The following PLPPR1 variants were observed in gnomAD, a reference collection of about 807,000 sequenced individuals.
PLPPR1 encodes the protein phospholipid phosphatase related 1, also known as phospholipid phosphatase-related protein type 1.
In PLPPR1, 10 loss-of-function variants were observed where a neutral mutation model predicts 33.1. That is an observed-to-expected ratio of 0.30 (90% CI 0.19 to 0.51). PLPPR1 has a LOEUF of 0.51. Among genes scored for constraint, PLPPR1 ranks in the 20% least tolerant of loss-of-function variants. The pLI, the probability that PLPPR1 is intolerant of heterozygous loss-of-function variation, is 0.97. For missense variants in PLPPR1, 304 were observed against 408.1 expected (o/e 0.74, Z 2.20); for synonymous variants, 151 against 151.0 (o/e 1.00, Z 0.00).
At chr9:101,309,063 C>A in intron 4 of PLPPR1, 148 bp from the exon 5 acceptor site, 1 of 736,530 alleles carries the variant, frequency 1.4e-6, no homozygotes, top group Non-Finnish European at 2.3e-6. Flanking sequence ...ATTTGGGAAG[C>A]AGGTACCACT....
intron 2 of PLPPR1, among the ~76,000 whole-genome samples, chr9:101,215,136 T>C (rs10989436): frequency 0.067 from 10,251 of 152,236 alleles, 406 homozygotes; most frequent in South Asian, 0.15. Flanking sequence ...AGAAAAACTT[T>C]AGTCAAACTA....
At chr9:101,320,221 A>T (rs1327038314) in intron 7 of PLPPR1, among the ~76,000 whole-genome samples, 1 of 152,176 alleles carries the variant, frequency 6.6e-6, no homozygotes, top group Non-Finnish European at 1.5e-5. Context: ...CCTCATATGG[A>T]TACAATTTGA....
intron 2 of PLPPR1, among the ~76,000 whole-genome samples, chr9:101,239,515 G>A (rs1827407142): frequency 6.6e-6 from 1 of 151,834 alleles, no homozygotes; most frequent in African/African-American, 2.4e-5. Flanking sequence ...TAAAATAACA[G>A]TTGAAAAAAT....
intron 2 of PLPPR1, among the ~76,000 whole-genome samples, chr9:101,247,915 G>GT (rs940552750): frequency 2.0e-5 from 3 of 151,852 alleles, no homozygotes; most frequent in Non-Finnish European, 2.9e-5. Context: ...ATCCAGCTAA[G>GT]TTTTTTTTCT....
intron 2 of PLPPR1, among the ~76,000 whole-genome samples, chr9:101,199,640 A>G (rs1324064702): frequency 6.6e-6 from 1 of 152,126 alleles, no homozygotes; most frequent in Admixed American, 6.6e-5. Context: ...TACTCATTAT[A>G]TTTTCTTTAG....
At chr9:101,238,951 A>G (rs1358492279) in intron 2 of PLPPR1, among the ~76,000 whole-genome samples, 3 of 140,442 alleles carry the variant, frequency 2.1e-5, no homozygotes, top group Non-Finnish European at 4.6e-5. Context: ...CTATGAGCTC[A>G]CTTTTTTTTT....
intron 1 of PLPPR1, among the ~76,000 whole-genome samples, chr9:101,134,386 T>A (rs932608950): frequency 9.2e-5 from 3 of 32,586 alleles, no homozygotes; most frequent in African/African-American, 1.4e-4. Context: ...AAGAACAGGA[T>A]TTTTTTTTTT....
At chr9:101,116,552 C>T (rs1052332439) in intron 1 of PLPPR1, among the ~76,000 whole-genome samples, 15 of 152,098 alleles carry the variant, frequency 9.9e-5, no homozygotes, top group African/African-American at 3.4e-4. Context: ...CAGTGGCTCA[C>T]GCCTGTAATC....
chr9:101,030,950 A>G (rs1390053660), intron 1 of PLPPR1, among the ~76,000 whole-genome samples: 3 of 150,424 alleles, frequency 2.0e-5, no homozygotes, highest in Admixed American at 6.6e-5. Flanking sequence ...AAGGAAAAAA[A>G]GAAGCAGGGG....
intron 1 of PLPPR1, among the ~76,000 whole-genome samples, chr9:101,146,025 A>T (rs1433882810): frequency 6.6e-6 from 1 of 152,108 alleles, no homozygotes; most frequent in Non-Finnish European, 1.5e-5. Flanking sequence ...CAAAAGAAAA[A>T]AAATATTCCT....
At chr9:101,042,924 A>AT (rs1330949062) in intron 1 of PLPPR1, among the ~76,000 whole-genome samples, 1 of 151,802 alleles carries the variant, frequency 6.6e-6, no homozygotes, top group Non-Finnish European at 1.5e-5. Context: ...TTCCCTTTGC[A>AT]TTTTTTTCCA....
At chr9:101,229,076 A>C (rs576619527) in intron 2 of PLPPR1, among the ~76,000 whole-genome samples, 23 of 152,250 alleles carry the variant, frequency 1.5e-4, no homozygotes, top group African/African-American at 5.3e-4. Flanking sequence ...CAGAATAAAA[A>C]AGTTGTTAGG....
chr9:101,266,317 A>G (rs1827993518), intron 2 of PLPPR1, among the ~76,000 whole-genome samples: 1 of 150,606 alleles, frequency 6.6e-6, no homozygotes, highest in Non-Finnish European at 1.5e-5. Flanking sequence ...AATCCCAGCT[A>G]CCGGGAAAGC....
chr9:101,318,507 C>T (rs893966085), intron 7 of PLPPR1, among the ~76,000 whole-genome samples: 3 of 152,188 alleles, frequency 2.0e-5, no homozygotes, highest in African/African-American at 7.2e-5. Context: ...CGTGGTGGCT[C>T]ACGCCTGTAA....
intron 2 of PLPPR1, among the ~76,000 whole-genome samples, chr9:101,249,746 A>G (rs1827683315): frequency 1.3e-5 from 2 of 152,072 alleles, no homozygotes; most frequent in African/African-American, 4.8e-5. Context: ...TCTCAACTAC[A>G]AATACCCAAC....
At chr9:101,160,539 A>G (rs185028257) in intron 1 of PLPPR1, among the ~76,000 whole-genome samples, 48 of 152,290 alleles carry the variant, frequency 3.2e-4, no homozygotes, top group Non-Finnish European at 4.9e-4. Flanking sequence ...AATAAAGACT[A>G]TATATTCCGT....
intron 1 of PLPPR1, among the ~76,000 whole-genome samples, chr9:101,051,415 C>T (rs1830221695): frequency 6.6e-6 from 1 of 152,092 alleles, no homozygotes; most frequent in Admixed American, 6.6e-5. Context: ...TCAATATCCT[C>T]CAATAGTAAG....
At chr9:101,078,189 AGG>A (rs1290614608) in intron 1 of PLPPR1, among the ~76,000 whole-genome samples, 1 of 5,950 alleles carries the variant, frequency 1.7e-4, no homozygotes, top group African/African-American at 5.3e-4. Context: ...GAAGAAGAGG[AGG>A]GGGGGAGGGG....
At position 101,309,324 on chromosome 9, in the gene PLPPR1, G is replaced by A; in HGVS notation, c.499G>A (p.Ala167Thr). 6.2e-7 allele frequency: 1 copy of A among 1,614,172 alleles called. No individual in the cohort carries two copies. Among genetic ancestry groups the A allele is most frequent in the Admixed American group, 1.7e-5 (1 of 60,010 alleles). Reference sequence around the variant, plus strand: ...TGTGTGCAAGCCAAACTACACCAGTGCAGACTGCCAAGCGCACCACCAGTT... The same window carrying A: ...TGTGTGCAAGCCAAACTACACCAGTACAGACTGCCAAGCGCACCACCAGTT... Reference protein sequence around the residue: ...LTVCKPNYTSADCQAHHQFIN... With the variant: ...LTVCKPNYTSTDCQAHHQFIN... Residue 167 changes from alanine to threonine, a missense_variant, in exon 5 of 8, where the codon GCA (alanine) becomes ACA (threonine). By Grantham distance (58) the Ala-to-Thr change is moderately conservative. Transcript: ENST00000374874.
Sources: gnomAD v4.1 joint callset for allele counts (sites outside exome capture counted in the v4.1 genomes callset) on GRCh38, gnomAD v4.1.1 for gene constraint, MANE v1.5 for transcripts, NCBI Gene and HGNC (gene_info 2026-07-23, HGNC 2026-07-21) for gene names.